Variants in DNAAF9 observed in about 807,000 individuals in gnomAD.
DNAAF9 encodes the protein shulin.
A neutral mutation model predicts 167.0 loss-of-function variants in DNAAF9; 90 were observed. The ratio of observed to expected loss-of-function variants is 0.54; its 90% CI spans 0.45 to 0.64. The LOEUF (loss-of-function observed/expected upper bound fraction) is 0.64. Among genes scored for constraint, DNAAF9 ranks in the 30% least tolerant of loss-of-function variants. The probability of loss-of-function intolerance (pLI) is 0.00; values close to 1 mark genes in which losing one functional copy is unlikely to be tolerated. For missense variants in DNAAF9, 1,315 were observed against 1,442.2 expected, an observed-to-expected ratio of 0.91 and a Z score of 1.43; for synonymous variants, 491 against 508.8, an observed-to-expected ratio of 0.96 and a Z score of 0.47.
chr20:3,402,781 G>A lies in DNAAF9; in HGVS notation c.83+4694C>T, dbSNP rs573508912. On this transcript the variant is annotated intron_variant, in intron 1 of 36. Transcript: ENST00000252032. ...TTGAACTTTGTAAAGATGGGGTCTC[G>A]ACATGTTACCCAGACTGGTCTCAAA... Among the ~76,000 whole-genome samples the A allele has an allele frequency of 8.6e-5, 13 of 151,974 alleles. No individual in the cohort carries two copies. The South Asian group carries it at 2.1e-3, about 24-fold the overall frequency.
At chr20:3,338,845 G>A (rs1653995286) in intron 10 of DNAAF9, among the ~76,000 whole-genome samples, 1 of 151,728 alleles carries the variant, frequency 6.6e-6, no homozygotes, top group Non-Finnish European at 1.5e-5. Flanking sequence ...GTAGAGATGG[G>A]GTTTCACTAT....
chr20:3,290,333 T>G, intron 25 of DNAAF9, 116 bp from the exon 26 acceptor site: 1 of 705,218 alleles, frequency 1.4e-6, no homozygotes, highest in East Asian at 2.5e-5. Flanking sequence ...CAGTATGACC[T>G]CTCACTAACT....
chr20:3,332,950 G>A (rs1387545507), intron 10 of DNAAF9, among the ~76,000 whole-genome samples: 1 of 145,980 alleles, frequency 6.9e-6, no homozygotes, highest in African/African-American at 2.5e-5. Context: ...TTAAACCTTG[G>A]CTATATTGTG....
In DNAAF9 at chr20:3,294,237, T is replaced by C; in HGVS notation, c.2140A>G (p.Ile714Val). ...ELDWFLQHFA[I>V]SSISQEPVMR... ...ACAGGCTCCTGGCTAATGCTGCTGA[T>C]GGCGAAATGCTGGAGAAACCTAAAA... The change falls in exon 25 of 37, where the codon ATC (isoleucine) becomes GTC (valine). Residue 714 changes from isoleucine to valine, a missense_variant. Physicochemically the swap from Ile to Val is conservative, Grantham distance 29. This residue lies in a region of DNAAF9 where 981 missense variants were observed against 1,012.5 expected (regional missense o/e 0.97). Transcript: ENST00000252032. The C allele has an allele frequency of 1.2e-6, 2 of 1,611,558 alleles. No homozygotes were observed. The highest frequency in any genetic ancestry group is 1.1e-5 in the South Asian group (1 of 91,028).
At chr20:3,297,054 G>C (rs1357374396) in intron 22 of DNAAF9, 105 bp from the exon 23 acceptor site, 1 of 695,864 alleles carries the variant, frequency 1.4e-6, no homozygotes, top group African/African-American at 1.8e-5. Flanking sequence ...TGTCACTGCA[G>C]AGAAAATGAC....
chr20:3,353,465 A>T (rs1461251564), intron 7 of DNAAF9, among the ~76,000 whole-genome samples: 3 of 152,020 alleles, frequency 2.0e-5, no homozygotes, highest in Non-Finnish European at 4.4e-5. Context: ...GTCTCTATTT[A>T]AAAAACACAA....
At chr20:3,297,623 T>C (rs1235967428) in intron 22 of DNAAF9, among the ~76,000 whole-genome samples, 2 of 152,174 alleles carry the variant, frequency 1.3e-5, no homozygotes, top group African/African-American at 2.4e-5. Context: ...GCTGAGTATC[T>C]ATAAAGTGCA....
chr20:3,393,183 T>C (rs1183891866), intron 1 of DNAAF9, among the ~76,000 whole-genome samples: 1 of 152,164 alleles, frequency 6.6e-6, no homozygotes, highest in Non-Finnish European at 1.5e-5. Context: ...TATTTATTTA[T>C]TTATTTATTT....
chr20:3,292,752 C>T (rs1471443190), intron 25 of DNAAF9, among the ~76,000 whole-genome samples: 3 of 140,540 alleles, frequency 2.1e-5, no homozygotes, highest in Non-Finnish European at 3.1e-5. Flanking sequence ...GGCAACAGAG[C>T]GAGACTCCAT....
rs550645042 is a variant in DNAAF9 at position 3,251,293 on chromosome 20, T to C, written c.*1279A>G. The C allele has an allele frequency of 2.0e-5, 3 of 152,128 alleles. No individual in the cohort carries two copies. Among genetic ancestry groups the C allele is most frequent in the South Asian group, 2.1e-4 (1 of 4,816 alleles). The allele number at this position is 152,128 out of a possible 1,614,324, so 9.4% of individuals were successfully genotyped here. On this transcript the variant is annotated 3_prime_UTR_variant, in exon 37 of 37. Coordinates refer to ENST00000252032, the MANE Select transcript of DNAAF9 (RefSeq NM_001009984.3). ...AGGGGCCTTGCTCAAAAACCCCCTA[T>C]ATTACTGGAAACTGCTGGTTTTACC...
intron 29 of DNAAF9, among the ~76,000 whole-genome samples, chr20:3,273,557 G>A (rs188299350): frequency 2.8e-4 from 43 of 151,398 alleles, no homozygotes; most frequent in African/African-American, 9.2e-4. Context: ...AAGAAGGGGC[G>A]GGGGAGGTGC....
At chr20:3,311,480 G>C (rs117895155) in intron 20 of DNAAF9, among the ~76,000 whole-genome samples, 9,420 of 152,076 alleles carry the variant, frequency 0.062, 372 homozygotes, top group Non-Finnish European at 0.082. Flanking sequence ...TGAACTCCTA[G>C]CTTCAAGTGA....
At chr20:3,388,569 A>G (rs1346418836) in intron 1 of DNAAF9, among the ~76,000 whole-genome samples, 2 of 152,232 alleles carry the variant, frequency 1.3e-5, no homozygotes, top group Non-Finnish European at 2.9e-5. Context: ...CCAAAGTGAT[A>G]AACAAAATGT....
At position 3,249,707 on chromosome 20, in the gene DNAAF9, A is replaced by AT. The variant is rs2068170682; in HGVS notation, c.*2864dup. 6.6e-6 allele frequency: 1 copy of AT among 152,178 alleles called. No homozygotes were observed. Among genetic ancestry groups the AT allele is most frequent in the South Asian group, 2.1e-4 (1 of 4,830 alleles). 9.4% of individuals were successfully genotyped at this position (152,178 alleles called of 1,614,324 possible). On this transcript the variant is annotated 3_prime_UTR_variant, in exon 37 of 37. Coordinates refer to ENST00000252032, the MANE Select transcript of DNAAF9 (RefSeq NM_001009984.3). The stretch of plus-strand genomic sequence containing the variant: ...CAACTAGATCAGCAACACGGCTGGA[A>AT]TACTTCGTAGTTTACAATCTTTGAA...
chr20:3,382,103 G>A (rs1246858422), intron 2 of DNAAF9, among the ~76,000 whole-genome samples: 2 of 152,066 alleles, frequency 1.3e-5, no homozygotes, highest in African/African-American at 2.4e-5. Context: ...AATGCTTTAG[G>A]TATATATTTA....
At chr20:3,258,830 T>A (rs545539743) in intron 33 of DNAAF9, among the ~76,000 whole-genome samples, 3 of 152,286 alleles carry the variant, frequency 2.0e-5, no homozygotes, top group Admixed American at 6.5e-5. Flanking sequence ...ACGCACTCCC[T>A]CTCTCCCTAC....
intron 1 of DNAAF9, 124 bp downstream of exon 1, chr20:3,407,351 G>A (rs2123325672): frequency 3.6e-6 from 3 of 827,956 alleles, no homozygotes; most frequent in South Asian, 5.1e-5. Context: ...TCCCTGAGCC[G>A]TTCAGCAAAG....
At chr20:3,357,836 T>C (rs1242292013) in intron 7 of DNAAF9, among the ~76,000 whole-genome samples, 2 of 151,624 alleles carry the variant, frequency 1.3e-5, no homozygotes, top group African/African-American at 4.8e-5. Flanking sequence ...CAGCAAGACC[T>C]GATCTCTACA....
intron 1 of DNAAF9, among the ~76,000 whole-genome samples, chr20:3,389,993 G>A (rs1395766535): frequency 2.0e-5 from 3 of 148,314 alleles, no homozygotes; most frequent in African/African-American, 5.0e-5. Context: ...CCAAGATCAC[G>A]CCACTGTACT....
Sources: allele counts gnomAD v4.1 joint callset (sites outside exome capture counted in the v4.1 genomes callset), GRCh38; gene constraint gnomAD v4.1.1; regional missense constraint gnomAD v4.1.1; transcripts MANE v1.5; gene names NCBI Gene and HGNC (gene_info 2026-07-23, HGNC 2026-07-21).